The following RNGTT variants were observed in gnomAD, a reference collection of about 807,000 sequenced individuals.
RNGTT encodes mRNA-capping enzyme.
In RNGTT, 33 loss-of-function variants were observed where a neutral mutation model predicts 79.3. The observed-to-expected ratio is 0.42, with a 90% CI of 0.32 to 0.56. The LOEUF (loss-of-function observed/expected upper bound fraction) is 0.56, where lower values mean the gene tolerates loss of function less well. RNGTT is among the 20% of genes least tolerant of loss of function. The pLI is 0.17. For synonymous variants in RNGTT, 222 were observed against 235.9 expected, an observed-to-expected ratio of 0.94 and a Z score of 0.54; for missense variants, 497 against 739.1, an observed-to-expected ratio of 0.67 and a Z score of 3.80.
At chr6:88,943,574 A>AC (rs2127959653) in intron 1 of RNGTT, among the ~76,000 whole-genome samples, 1 of 151,948 alleles carries the variant, frequency 6.6e-6, no homozygotes, top group East Asian at 1.9e-4. Flanking sequence ...GAAAAAAAAA[A>AC]CACACACACA....
intron 6 of RNGTT, among the ~76,000 whole-genome samples, chr6:88,893,160 T>C (rs1002721110): frequency 1.3e-5 from 2 of 152,082 alleles, no homozygotes; most frequent in Non-Finnish European, 2.9e-5. Flanking sequence ...CTCAACCAGA[T>C]AGATGAGGTT....
At chr6:88,940,900 C>T (rs1021736900) in intron 2 of RNGTT, among the ~76,000 whole-genome samples, 171 bp downstream of exon 2, 3 of 152,124 alleles carry the variant, frequency 2.0e-5, no homozygotes, top group Non-Finnish European at 4.4e-5. Context: ...TAAAATGACA[C>T]CATTGTGAGA....
At chr6:88,861,302 G>A (rs1782005826) in intron 8 of RNGTT, among the ~76,000 whole-genome samples, 1 of 151,968 alleles carries the variant, frequency 6.6e-6, no homozygotes, top group Non-Finnish European at 1.5e-5. Flanking sequence ...CCTCACATAG[G>A]AGCAGTTGGT....
At chr6:88,629,544 G>A (rs2127768676) in intron 14 of RNGTT, among the ~76,000 whole-genome samples, 1 of 152,028 alleles carries the variant, frequency 6.6e-6, no homozygotes, top group East Asian at 1.9e-4. Flanking sequence ...ATTTCCTTAG[G>A]TTTCTGTTCT....
chr6:88,869,185 G>A (rs918434753), intron 8 of RNGTT, among the ~76,000 whole-genome samples: 12 of 152,146 alleles, frequency 7.9e-5, no homozygotes, highest in Admixed American at 2.0e-4. Flanking sequence ...AATGTTTTAA[G>A]AGAGTTGTAA....
intron 12 of RNGTT, among the ~76,000 whole-genome samples, chr6:88,781,030 T>A (rs189898250): frequency 5.3e-5 from 8 of 152,266 alleles, no homozygotes; most frequent in Non-Finnish European, 8.8e-5. Flanking sequence ...CTAAACATCC[T>A]ACAAAGCACA....
intron 13 of RNGTT, among the ~76,000 whole-genome samples, chr6:88,685,030 T>C (rs1242729126): frequency 6.6e-6 from 1 of 152,170 alleles, no homozygotes; most frequent in African/African-American, 2.4e-5. Context: ...ACTAAGTGAA[T>C]GAAGCCTATC....
At chr6:88,804,623 T>C (rs1251101039) in intron 11 of RNGTT, among the ~76,000 whole-genome samples, 2 of 152,228 alleles carry the variant, frequency 1.3e-5, no homozygotes, top group Admixed American at 6.5e-5. Context: ...TAATATTGTA[T>C]ACTTTATATT....
chr6:88,833,424 G>T (rs1447380783), intron 11 of RNGTT, among the ~76,000 whole-genome samples: 3 of 152,110 alleles, frequency 2.0e-5, no homozygotes, highest in Non-Finnish European at 4.4e-5. Context: ...GTCCTGTTGG[G>T]GGTTGGGGGC....
At chr6:88,951,235 G>A (rs1442199195) in intron 1 of RNGTT, among the ~76,000 whole-genome samples, 4 of 152,188 alleles carry the variant, frequency 2.6e-5, no homozygotes, top group African/African-American at 9.7e-5. Flanking sequence ...TTTAACAGAT[G>A]AGGAGTTGCT....
rs553275774 is a variant in RNGTT at position 88,701,654 on chromosome 6, T to C, written c.1440-23235A>G. Among the ~76,000 whole-genome samples the C allele has an allele frequency of 5.9e-5, 9 of 152,246 alleles. No individual in the cohort carries two copies. In the South Asian group the frequency reaches 1.9e-3, roughly 32 times the overall value. ...TCTTTTAGTATTATGAATTTAGGAT[T>C]GTCATTTAATCTTTTTAAAGAATGC... On this transcript the variant is annotated intron_variant, in intron 13 of 15. Coordinates refer to ENST00000369485, the MANE Select transcript of RNGTT (RefSeq NM_003800.5).
chr6:88,765,034 T>C (rs1367824927), intron 13 of RNGTT, among the ~76,000 whole-genome samples: 4 of 151,676 alleles, frequency 2.6e-5, no homozygotes, highest in Non-Finnish European at 5.9e-5. Context: ...CTACTAAAAA[T>C]ACAAAAAATT....
At chr6:88,675,094 T>C (rs1774814629) in intron 14 of RNGTT, among the ~76,000 whole-genome samples, 1 of 134,268 alleles carries the variant, frequency 7.4e-6, no homozygotes, top group Non-Finnish European at 1.5e-5. Flanking sequence ...TGAGACTCCG[T>C]CTCAGAAGAA....
At chr6:88,702,015 T>G (rs1001262537) in intron 13 of RNGTT, among the ~76,000 whole-genome samples, 2 of 151,588 alleles carry the variant, frequency 1.3e-5, no homozygotes, top group Admixed American at 1.3e-4. Flanking sequence ...ACTAAGGAGG[T>G]GACAGGTCTT....
At chr6:88,842,075 A>G (rs1213634514) in intron 11 of RNGTT, among the ~76,000 whole-genome samples, 1 of 152,242 alleles carries the variant, frequency 6.6e-6, no homozygotes. Flanking sequence ...TACCAAAAGC[A>G]AGAATGTCTT....
chr6:88,813,643 G>C (rs1047426044), intron 11 of RNGTT, among the ~76,000 whole-genome samples: 2 of 152,150 alleles, frequency 1.3e-5, no homozygotes, highest in Admixed American at 1.3e-4. Flanking sequence ...TTAAGAACTT[G>C]CCTAAGGTTA....
chr6:88,775,934 T>C (rs1323257984), intron 12 of RNGTT, among the ~76,000 whole-genome samples: 1 of 152,220 alleles, frequency 6.6e-6, no homozygotes, highest in Non-Finnish European at 1.5e-5. Flanking sequence ...CTTAATTCAT[T>C]GACCCACTGA....
chr6:88,793,064 G>A (rs77621024), intron 12 of RNGTT, among the ~76,000 whole-genome samples: 4,010 of 152,240 alleles, frequency 0.026, 179 homozygotes, highest in African/African-American at 0.091. Flanking sequence ...ACAGCCAGAT[G>A]CTGTTTTAGA....
chr6:88,842,947 C>T (rs774687129), intron 11 of RNGTT, among the ~76,000 whole-genome samples: 10 of 151,786 alleles, frequency 6.6e-5, no homozygotes, highest in South Asian at 2.1e-4. Context: ...TGGTAGTATG[C>T]GCCTGTAGTC....
Sources: allele counts gnomAD v4.1 joint callset (sites outside exome capture counted in the v4.1 genomes callset), GRCh38; gene constraint gnomAD v4.1.1; transcripts MANE v1.5; gene names NCBI Gene and HGNC (gene_info 2026-07-23, HGNC 2026-07-21).